The following CCT6B variants were observed in gnomAD, a reference collection of about 807,000 sequenced individuals.
CCT6B encodes the protein chaperonin containing TCP1 subunit 6B.
In CCT6B, 49 loss-of-function variants were observed where a neutral mutation model predicts 61.5. The observed-to-expected ratio is 0.80, with a 90% confidence interval of 0.63 to 1.01. The LOEUF is 1.01. Ranked by LOEUF, CCT6B falls within the 50% of genes least tolerant of loss-of-function variation. CCT6B has a pLI of 0.00. For missense variants in CCT6B, 666 were observed against 634.7 expected (o/e 1.05, Z -0.53); for synonymous variants, 228 against 214.5 (o/e 1.06, Z -0.55).
chr17:34,930,260 C>T (rs1011751559), intron 12 of CCT6B, among the ~76,000 whole-genome samples: 14 of 152,126 alleles, frequency 9.2e-5, no homozygotes, highest in Non-Finnish European at 1.9e-4. Flanking sequence ...GGTGATAGAA[C>T]GAGACTGTCT....
intron 5 of CCT6B, chr17:34,943,177 C>T: frequency 3.6e-6 from 1 of 277,314 alleles, no homozygotes; most frequent in Non-Finnish European, 6.7e-6. Context: ...CCACCTCACC[C>T]ACCTCCTTGC....
At chr17:34,960,752 T>C (rs916442973) in intron 1 of CCT6B, among the ~76,000 whole-genome samples, 3 of 152,220 alleles carry the variant, frequency 2.0e-5, no homozygotes, top group African/African-American at 7.2e-5. Context: ...CTCTTGTCTA[T>C]AGAAAAGGGT....
chr17:34,949,998 C>T (rs1567671010), intron 5 of CCT6B, among the ~76,000 whole-genome samples: 1 of 152,172 alleles, frequency 6.6e-6, no homozygotes, highest in South Asian at 2.1e-4. Flanking sequence ...GCTGACTATA[C>T]ACTGAGCCAT....
intron 3 of CCT6B, among the ~76,000 whole-genome samples, chr17:34,955,890 A>C (rs529707994): frequency 6.6e-6 from 1 of 152,192 alleles, no homozygotes; most frequent in Non-Finnish European, 1.5e-5. Flanking sequence ...CAAGATAATA[A>C]GAAGTGAAAC....
intron 5 of CCT6B, among the ~76,000 whole-genome samples, chr17:34,950,028 T>C (rs1199527268): frequency 6.6e-6 from 1 of 152,120 alleles, no homozygotes; most frequent in Non-Finnish European, 1.5e-5. Context: ...GTCAACAAAT[T>C]TCAAAGGAGC....
At chr17:34,938,032 G>C (rs905063387) in intron 10 of CCT6B, among the ~76,000 whole-genome samples, 1 of 151,916 alleles carries the variant, frequency 6.6e-6, no homozygotes, top group Non-Finnish European at 1.5e-5. Flanking sequence ...TGGAACTACA[G>C]GTACAGGCCA....
chr17:34,954,662 C>A, intron 3 of CCT6B, 63 bp from the exon 4 acceptor site: 1 of 1,328,376 alleles, frequency 7.5e-7, no homozygotes, highest in Non-Finnish European at 1.0e-6. Flanking sequence ...AGTAACCAAC[C>A]TGTCTGATTA....
At chr17:34,953,727 G>A (rs1309389031) in intron 4 of CCT6B, among the ~76,000 whole-genome samples, 1 of 152,102 alleles carries the variant, frequency 6.6e-6, no homozygotes, top group African/African-American at 2.4e-5. Flanking sequence ...CCCGAGGTGG[G>A]TGTATCATTT....
chr17:34,961,400 A>C lies in CCT6B; in HGVS notation c.-7T>G, dbSNP rs749825522. ...CGGCCTTTATCGCAGCCATAGCCTA[A>C]CCGTTCAGAGGGAGAAAAAAAAAAA... is the stretch of plus-strand genomic sequence containing the variant. On this transcript the variant is annotated 5_prime_UTR_variant, in exon 1 of 14. Transcript: ENST00000314144. 2 of 1,594,094 alleles carry C rather than the reference A, an allele frequency of 1.3e-6. No individual in the cohort carries two copies. The highest frequency in any genetic ancestry group is 1.8e-5 in the Admixed American group (1 of 54,920).
rs1555550678 is a variant in CCT6B at position 34,953,341 on chromosome 17, A to ATATATT, written c.510+1084_510+1085insAATATA. ...AAAATATATATATATATATATATAT[A>ATATATT]TTTTTTTGAGACAAAGTTTCACTCT... On this transcript the variant is annotated intron_variant, in intron 4 of 13. Coordinates refer to ENST00000314144, the MANE Select transcript of CCT6B (RefSeq NM_006584.4). Among the ~76,000 whole-genome samples the ATATATT allele has an allele frequency of 6.3e-3, 887 of 139,782 alleles. 4 individuals carry two copies. The highest frequency in any genetic ancestry group is 0.026 in the Middle Eastern group (7 of 266). The allele number at this position is 139,782 out of a possible 152,430, so 91.7% of individuals were successfully genotyped here. A position where few individuals can be genotyped will look rare whatever the true frequency, so the allele number is the denominator to read the frequency against.
chr17:34,961,125 G>T, intron 1 of CCT6B, 132 bp downstream of exon 1: 1 of 1,167,350 alleles, frequency 8.6e-7, no homozygotes, highest in Non-Finnish European at 1.2e-6. Context: ...AATACCCCCA[G>T]AGCAGGGATG....
intron 4 of CCT6B, 94 bp downstream of exon 4, chr17:34,954,332 A>T: frequency 1.0e-6 from 1 of 972,640 alleles, no homozygotes; most frequent in Non-Finnish European, 1.5e-6. Flanking sequence ...TGCCCAAAAA[A>T]CCACATGAAA....
intron 11 of CCT6B, 49 bp from the exon 12 acceptor site, chr17:34,931,100 C>A (rs761940269): frequency 5.3e-5 from 30 of 565,622 alleles, no homozygotes; most frequent in Non-Finnish European, 7.4e-5. Flanking sequence ...TGCATAATAC[C>A]TTCACATATA....
intron 2 of CCT6B, among the ~76,000 whole-genome samples, chr17:34,959,065 CTAAGTATACAAAGTATGTA>C (rs1465852355): frequency 4.0e-5 from 6 of 149,154 alleles, no homozygotes; most frequent in African/African-American, 1.5e-4. Flanking sequence ...ATAAGTATGC[CTAAGTATACAAAGTATGTA>C]TAAGTATACA....
intron 1 of CCT6B, 62 bp downstream of exon 1, chr17:34,961,195 G>T: frequency 2.0e-6 from 3 of 1,533,664 alleles, no homozygotes; most frequent in Non-Finnish European, 2.6e-6. Flanking sequence ...GCCTGCCTCA[G>T]AGGGCGACAG....
Position 34,929,009 on chromosome 17 carries a change from T to G in CCT6B, c.1476A>C (p.Ala492=), listed in dbSNP as rs765374144. 3.7e-6 allele frequency: 6 copies of G among 1,609,332 alleles called. No individual in the cohort carries two copies. The highest frequency in any genetic ancestry group is 4.5e-5 in the East Asian group (2 of 44,768). Residue 492 remains alanine, a synonymous_variant, in exon 13 of 14, where the codon GCA becomes GCC. Coordinates refer to ENST00000314144, the MANE Select transcript of CCT6B (RefSeq NM_006584.4). ...NTGEPMVAAD[A]GVWDNYCVKK... Reference sequence around the variant, plus strand: ...TTACACAATAATTATCCCAAACTCCTGCATCTGCTGCTACCATTGGCTCAC... The same window carrying G: ...TTACACAATAATTATCCCAAACTCCGGCATCTGCTGCTACCATTGGCTCAC...
intron 3 of CCT6B, among the ~76,000 whole-genome samples, chr17:34,955,338 TTAA>T (rs1333792474): frequency 6.6e-6 from 1 of 152,214 alleles, no homozygotes; most frequent in African/African-American, 2.4e-5. Context: ...TATCAATGTG[TTAA>T]TGTTATTATT....
chr17:34,957,143 ATTTT>A (rs57459236), intron 3 of CCT6B, among the ~76,000 whole-genome samples: 1 of 102,294 alleles, frequency 9.8e-6, no homozygotes, highest in East Asian at 2.6e-4. Flanking sequence ...TTTTCTTTCC[ATTTT>A]TTTTTTTTTT....
chr17:34,928,053 T>C lies in CCT6B; in HGVS notation c.1588A>G (p.Lys530Glu). The C allele has an allele frequency of 6.2e-7, 1 of 1,609,172 alleles. No individual in the cohort carries two copies. Among genetic ancestry groups the C allele is most frequent in the Non-Finnish European group, 8.5e-7 (1 of 1,176,904 alleles). Reference protein sequence around the residue: ...EIMRAGMSSLK With the variant: ...EIMRAGMSSLE Reference sequence around the variant, plus strand: ...GTTGATTTTGAATTCAATCATCATTTGAGAGAAGACATCCCAGCTCGCATA... The same window carrying C: ...GTTGATTTTGAATTCAATCATCATTCGAGAGAAGACATCCCAGCTCGCATA... Residue 530 changes from lysine (K) to glutamate (E), a missense_variant, in exon 14 of 14, where the codon AAA becomes GAA. Physicochemically the swap from Lys to Glu is moderately conservative, Grantham distance 56. Transcript: ENST00000314144.
Sources: gnomAD v4.1 joint callset for allele counts (sites outside exome capture counted in the v4.1 genomes callset) on GRCh38, gnomAD v4.1.1 for gene constraint, MANE v1.5 for transcripts, NCBI Gene and HGNC (gene_info 2026-07-23, HGNC 2026-07-21) for gene names.